WWOX: variants seen among roughly 807,000 people sequenced by gnomAD.
The protein encoded by WWOX is WW domain containing oxidoreductase.
WWOX carries 69 observed loss-of-function variants against 46.2 expected under a neutral mutation model. The ratio of observed to expected loss-of-function variants is 1.49; its 90% confidence interval spans 1.23 to 1.82. WWOX has a LOEUF of 1.82. Ranked by LOEUF, WWOX falls within the 40% of genes most tolerant of loss-of-function variation. The pLI is 0.00. For synonymous variants in WWOX, 359 were observed against 202.6 expected, an observed-to-expected ratio of 1.77 and a Z score of -6.56; for missense variants, 919 against 542.6, an observed-to-expected ratio of 1.69 and a Z score of -6.89.
intron 8 of WWOX, among the ~76,000 whole-genome samples, chr16:78,660,639 C>T (rs115571729): frequency 6.6e-6 from 1 of 152,046 alleles, no homozygotes; most frequent in Non-Finnish European, 1.5e-5. Flanking sequence ...AATAACCCAT[C>T]AAAGGAATAG....
At chr16:78,575,022 AATATATATATATATATATATAT>A (rs1215227335) in intron 8 of WWOX, among the ~76,000 whole-genome samples, 11 of 13,996 alleles carry the variant, frequency 7.9e-4, no homozygotes, top group South Asian at 3.5e-3. Context: ...TATATATATA[AATATATATATATATATATATAT>A]ATATATATAT....
At chr16:79,085,215 T>G (rs1414722111) in intron 8 of WWOX, among the ~76,000 whole-genome samples, 3 of 152,222 alleles carry the variant, frequency 2.0e-5, no homozygotes, top group Non-Finnish European at 2.9e-5. Context: ...TTCTCTCACT[T>G]GACTCTGTTG....
At chr16:78,370,835 A>T (rs1230500899) in intron 5 of WWOX, among the ~76,000 whole-genome samples, 1 of 141,000 alleles carries the variant, frequency 7.1e-6, no homozygotes, top group Non-Finnish European at 1.5e-5. Flanking sequence ...AGTTTTTCTC[A>T]GCCTATTCTT....
At chr16:79,023,983 A>G (rs1180587058) in intron 8 of WWOX, among the ~76,000 whole-genome samples, 1 of 152,040 alleles carries the variant, frequency 6.6e-6, no homozygotes, top group Non-Finnish European at 1.5e-5. Flanking sequence ...CATTATATTA[A>G]GTGAAAGAAA....
At chr16:78,145,802 TCCC>T (rs1178951815) in intron 4 of WWOX, 1 of 152,120 alleles carries the variant, frequency 6.6e-6, no homozygotes, top group Non-Finnish European at 1.5e-5. Context: ...GGATTAGGGC[TCCC>T]CCATTATGAC....
chr16:79,206,627 C>T (rs1346003514), intron 8 of WWOX: 8 of 152,214 alleles, frequency 5.3e-5, no homozygotes, highest in Admixed American at 4.6e-4. Context: ...AAAAGCCGGG[C>T]AGTTTGCAGG....
chr16:78,593,820 C>T (rs1398527829), intron 8 of WWOX, among the ~76,000 whole-genome samples: 1 of 151,940 alleles, frequency 6.6e-6, no homozygotes, highest in African/African-American at 2.4e-5. Flanking sequence ...AGCATGATTG[C>T]AAGCTGAGGA....
At chr16:78,499,936 A>C (rs2085019693) in intron 8 of WWOX, among the ~76,000 whole-genome samples, 2 of 152,204 alleles carry the variant, frequency 1.3e-5, no homozygotes, top group Admixed American at 1.3e-4. Flanking sequence ...AAGTAGTACC[A>C]AATGGTCCTT....
chr16:78,959,547 C>G (rs1430878316), intron 8 of WWOX, among the ~76,000 whole-genome samples: 1 of 152,204 alleles, frequency 6.6e-6, no homozygotes, highest in African/African-American at 2.4e-5. Flanking sequence ...ATTCATCTGT[C>G]CATTCATCCA....
chr16:78,402,163 A>G (rs1276587310), intron 6 of WWOX, among the ~76,000 whole-genome samples: 1 of 152,226 alleles, frequency 6.6e-6, no homozygotes, highest in Non-Finnish European at 1.5e-5. Flanking sequence ...GTCCCAAGGC[A>G]ATCAGCAGTC....
intron 8 of WWOX, among the ~76,000 whole-genome samples, chr16:78,943,306 A>T (rs1241659302): frequency 6.8e-6 from 1 of 147,628 alleles, no homozygotes; most frequent in Non-Finnish European, 1.5e-5. Flanking sequence ...GGTACGCTAA[A>T]CGAGTAAAAA....
intron 5 of WWOX, among the ~76,000 whole-genome samples, chr16:78,266,449 T>C (rs1164023622): frequency 1.3e-5 from 2 of 152,108 alleles, no homozygotes; most frequent in Non-Finnish European, 2.9e-5. Flanking sequence ...TCTGCTCCTT[T>C]CCAGAAAGCT....
At chr16:78,243,403 C>T (rs911157784) in intron 5 of WWOX, among the ~76,000 whole-genome samples, 5 of 152,028 alleles carry the variant, frequency 3.3e-5, no homozygotes, top group African/African-American at 1.2e-4. Flanking sequence ...TCGTGCAGGG[C>T]TGTTAAATAG....
intron 5 of WWOX, among the ~76,000 whole-genome samples, chr16:78,384,444 A>G (rs987890965): frequency 3.9e-5 from 6 of 152,180 alleles, no homozygotes; most frequent in African/African-American, 1.4e-4. Flanking sequence ...ATTTTTAATC[A>G]TCAGATAAAT....
At chr16:79,033,537 C>G (rs1050424535) in intron 8 of WWOX, among the ~76,000 whole-genome samples, 2 of 151,978 alleles carry the variant, frequency 1.3e-5, no homozygotes, top group Non-Finnish European at 2.9e-5. Context: ...TTCCCCTGGC[C>G]CTCACTACCA....
At chr16:78,185,662 CTT>C (rs2035676037) in intron 5 of WWOX, among the ~76,000 whole-genome samples, 1 of 151,976 alleles carries the variant, frequency 6.6e-6, no homozygotes, top group Non-Finnish European at 1.5e-5. Flanking sequence ...CTCAAAGTGA[CTT>C]TTTATTTTAT....
At chr16:78,702,100 T>TTTTATATATATATATATA (rs1491267639) in intron 8 of WWOX, among the ~76,000 whole-genome samples, 16 of 81,228 alleles carry the variant, frequency 2.0e-4, no homozygotes, top group African/African-American at 1.0e-3. Context: ...ATCTATAAAG[T>TTTTATATATATATATATA]TATATATATA....
chr16:78,316,287 A>C (rs2080354924), intron 5 of WWOX, among the ~76,000 whole-genome samples: 1 of 152,132 alleles, frequency 6.6e-6, no homozygotes, highest in Non-Finnish European at 1.5e-5. Context: ...TGTGCACAGA[A>C]TATTGTTCTG....
Position 79,017,697 on chromosome 16 carries a change from A to AT in WWOX, c.1057-193904dup. Among the ~76,000 whole-genome samples the AT allele has an allele frequency of 2.0e-5, 3 of 151,950 alleles. No individual in the cohort carries two copies. In the South Asian group the frequency reaches 6.2e-4, roughly 32 times the overall value. ...TGAATTCCATATGTCATGAAATTATATTTTTTTGATTTTTTTTTTCATAAA... is the reference window on the plus strand; with the variant it reads ...TGAATTCCATATGTCATGAAATTATATTTTTTTTGATTTTTTTTTTCATAAA... On this transcript the variant is annotated intron_variant, in intron 8 of 8. Transcript: ENST00000566780.
Sources: gnomAD v4.1 joint callset for allele counts (sites outside exome capture counted in the v4.1 genomes callset) on GRCh38, gnomAD v4.1.1 for gene constraint, MANE v1.5 for transcripts, NCBI Gene and HGNC (gene_info 2026-07-23, HGNC 2026-07-21) for gene names.